The following PLCB1 variants were observed in gnomAD, a reference collection of about 807,000 sequenced individuals.
PLCB1 encodes phospholipase C beta 1.
A neutral mutation model predicts 161.8 loss-of-function variants in PLCB1; 46 were observed. The ratio of observed to expected loss-of-function variants is 0.28; its 90% CI spans 0.22 to 0.36. The LOEUF (loss-of-function observed/expected upper bound fraction) is 0.36, where lower values mean the gene tolerates loss of function less well. Ranked by LOEUF, PLCB1 falls within the 10% of genes least tolerant of loss-of-function variation. The pLI is 1.00. For missense variants in PLCB1, 1,016 were observed against 1,472.5 expected, an observed-to-expected ratio of 0.69 and a Z score of 5.07; for synonymous variants, 517 against 503.7, an observed-to-expected ratio of 1.03 and a Z score of -0.35.
chr20:8,852,813 A>G (rs1037960213), intron 31 of PLCB1, among the ~76,000 whole-genome samples: 6 of 152,244 alleles, frequency 3.9e-5, no homozygotes, highest in Admixed American at 6.5e-5. Context: ...GCTAGATCCT[A>G]CAGGTAACAG....
At chr20:8,205,216 G>A (rs770085788) in intron 2 of PLCB1, among the ~76,000 whole-genome samples, 16 of 152,078 alleles carry the variant, frequency 1.1e-4, no homozygotes, top group Admixed American at 2.6e-4. Flanking sequence ...AACAATATGA[G>A]TTTTTTCTTA....
intron 30 of PLCB1, 116 bp downstream of exon 30, chr20:8,789,691 C>T: frequency 7.9e-6 from 6 of 758,274 alleles, no homozygotes; most frequent in Non-Finnish European, 1.4e-5. Context: ...ATCACTAGCA[C>T]CTAGCAGAGC....
At chr20:8,710,087 A>G (rs1406239178) in intron 12 of PLCB1, among the ~76,000 whole-genome samples, 5 of 152,134 alleles carry the variant, frequency 3.3e-5, no homozygotes, top group Non-Finnish European at 7.4e-5. Flanking sequence ...TGGGTAAGAG[A>G]CTGGGTAATT....
intron 23 of PLCB1, among the ~76,000 whole-genome samples, chr20:8,747,326 AT>A (rs1981222577): frequency 6.6e-6 from 1 of 152,224 alleles, no homozygotes; most frequent in Non-Finnish European, 1.5e-5. Flanking sequence ...AGCTGTATTC[AT>A]TTGCCAAGCA....
intron 31 of PLCB1, among the ~76,000 whole-genome samples, chr20:8,795,716 A>C (rs1983986554): frequency 6.6e-6 from 1 of 152,078 alleles, no homozygotes; most frequent in Non-Finnish European, 1.5e-5. Context: ...TCTCTACCAA[A>C]ATACAAAAAT....
chr20:8,479,290 T>C (rs891369350), intron 3 of PLCB1, among the ~76,000 whole-genome samples: 4 of 152,194 alleles, frequency 2.6e-5, no homozygotes, highest in African/African-American at 9.6e-5. Flanking sequence ...ATAGAATGAG[T>C]AACCTAAAGA....
intron 4 of PLCB1, among the ~76,000 whole-genome samples, chr20:8,644,363 C>G (rs1313693664): frequency 2.7e-5 from 4 of 149,950 alleles, no homozygotes; most frequent in South Asian, 2.1e-4. Flanking sequence ...CGCCTCTTCC[C>G]GGCCGCCATC....
intron 3 of PLCB1, among the ~76,000 whole-genome samples, chr20:8,508,709 C>T (rs2122840361): frequency 6.6e-6 from 1 of 152,170 alleles, no homozygotes; most frequent in South Asian, 2.1e-4. Context: ...TCTCTAAAAG[C>T]ACTTCCACGT....
chr20:8,645,314 T>A (rs201941330), intron 4 of PLCB1, among the ~76,000 whole-genome samples: 6 of 133,928 alleles, frequency 4.5e-5, no homozygotes, highest in African/African-American at 6.6e-5. Context: ...TAAAAAAAAA[T>A]AAAAAAAATA....
At chr20:8,584,931 C>A (rs1011354927) in intron 3 of PLCB1, among the ~76,000 whole-genome samples, 1 of 152,116 alleles carries the variant, frequency 6.6e-6, no homozygotes, top group Non-Finnish European at 1.5e-5. Flanking sequence ...CCTTGTGATC[C>A]CCCTGCCTCA....
chr20:8,545,491 A>T (rs1985503150), intron 3 of PLCB1, among the ~76,000 whole-genome samples: 1 of 152,232 alleles, frequency 6.6e-6, no homozygotes, highest in African/African-American at 2.4e-5. Context: ...ATGTTGGGAC[A>T]GACCAGTGGT....
At chr20:8,353,953 A>G (rs1194516464) in intron 2 of PLCB1, among the ~76,000 whole-genome samples, 1 of 152,044 alleles carries the variant, frequency 6.6e-6, no homozygotes, top group Non-Finnish European at 1.5e-5. Context: ...TGCCTGTGAC[A>G]TACATGGAAA....
intron 9 of PLCB1, among the ~76,000 whole-genome samples, chr20:8,663,319 T>C (rs1408311645): frequency 6.6e-6 from 1 of 151,982 alleles, no homozygotes; most frequent in African/African-American, 2.4e-5. Context: ...ATAAATAATA[T>C]ACAAACCTGA....
At position 8,531,194 on chromosome 20, in the gene PLCB1, A is replaced by AT. The variant is rs1325661140; in HGVS notation, c.247-97098dup. On this transcript the variant is annotated intron_variant, in intron 3 of 31. Coordinates refer to ENST00000338037, the MANE Select transcript of PLCB1 (RefSeq NM_015192.4). ...AAAACCTCAGCAGAGGGAAGTACAC[A>AT]TTGTTAACAATTATTCAGACCCATG... Among the ~76,000 whole-genome samples the AT allele has an allele frequency of 3.9e-5, 6 of 152,194 alleles. No individual in the cohort carries two copies. The South Asian group carries it at 1.2e-3, about 31-fold the overall frequency.
intron 2 of PLCB1, among the ~76,000 whole-genome samples, chr20:8,200,538 C>A (rs989547688): frequency 6.6e-6 from 1 of 151,878 alleles, no homozygotes; most frequent in Non-Finnish European, 1.5e-5. Context: ...TATTGCCTTT[C>A]AAAATTGGTT....
intron 3 of PLCB1, among the ~76,000 whole-genome samples, chr20:8,456,373 A>G (rs143658851): frequency 6.6e-6 from 1 of 152,290 alleles, no homozygotes; most frequent in Non-Finnish European, 1.5e-5. Context: ...GCGAGTGAAA[A>G]GTTTGGGGTG....
intron 3 of PLCB1, among the ~76,000 whole-genome samples, chr20:8,530,795 G>T (rs1408081918): frequency 6.6e-6 from 1 of 151,994 alleles, no homozygotes; most frequent in African/African-American, 2.4e-5. Context: ...TTTGATCCAG[G>T]TTTATTTTTA....
intron 2 of PLCB1, among the ~76,000 whole-genome samples, chr20:8,173,791 A>G (rs1403045838): frequency 6.6e-6 from 1 of 152,196 alleles, no homozygotes; most frequent in Admixed American, 6.5e-5. Context: ...GCAAAAAAAT[A>G]GAAGTTTTTA....
intron 14 of PLCB1, among the ~76,000 whole-genome samples, chr20:8,718,805 T>C (rs1333641168): frequency 6.6e-6 from 1 of 152,208 alleles, no homozygotes; most frequent in Non-Finnish European, 1.5e-5. Flanking sequence ...CATATGACTT[T>C]AAGCTTCATA....
Sources: gnomAD v4.1 joint callset for allele counts (sites outside exome capture counted in the v4.1 genomes callset) on GRCh38, gnomAD v4.1.1 for gene constraint, MANE v1.5 for transcripts, NCBI Gene and HGNC (gene_info 2026-07-23, HGNC 2026-07-21) for gene names.